The following C11orf65 variants were observed in gnomAD, a reference collection of about 807,000 sequenced individuals.
The protein encoded by C11orf65 is chromosome 11 open reading frame 65.
In C11orf65, 38 loss-of-function variants were observed where a neutral mutation model predicts 35.3. The ratio of observed to expected loss-of-function variants is 1.08; its 90% CI spans 0.83 to 1.41. The LOEUF is 1.41. Among genes scored for constraint, C11orf65 ranks in the 40% most tolerant of loss-of-function variants. The pLI is 0.00. For missense variants in C11orf65, 370 were observed against 367.1 expected, an observed-to-expected ratio of 1.01 and a Z score of -0.06; for synonymous variants, 105 against 114.4, an observed-to-expected ratio of 0.92 and a Z score of 0.53.
downstream of C11orf65, chr11:108,329,037 G>C (rs2085974792): frequency 6.2e-7 from 1 of 1,614,058 alleles, no homozygotes; most frequent in Non-Finnish European, 8.5e-7. Context: ...GAAGTTGCTG[G>C]AAATTATGAT....
chr11:108,325,117 T>G (rs749446405), intron 6 of C11orf65, among the ~76,000 whole-genome samples: 2 of 152,200 alleles, frequency 1.3e-5, no homozygotes, highest in Non-Finnish European at 2.9e-5. Flanking sequence ...TTAAGAGCTC[T>G]GACCGCATAG....
chr11:108,430,200 C>G (rs1421538850), intron 3 of C11orf65, among the ~76,000 whole-genome samples: 21 of 145,968 alleles, frequency 1.4e-4, no homozygotes, highest in Non-Finnish European at 2.4e-4. Context: ...GTGATCTCTG[C>G]TCACTGAAAG....
chr11:108,443,186 A>G (rs1041524958), intron 2 of C11orf65, among the ~76,000 whole-genome samples: 2 of 151,398 alleles, frequency 1.3e-5, no homozygotes, highest in Non-Finnish European at 3.0e-5. Flanking sequence ...CTAGCCTCTG[A>G]TAAAACAGAC....
intron 2 of C11orf65, among the ~76,000 whole-genome samples, chr11:108,361,724 C>T (rs1487222239): frequency 6.6e-6 from 1 of 151,554 alleles, no homozygotes; most frequent in Admixed American, 6.6e-5. Context: ...ATAAATGGTG[C>T]TGGGAAAACT....
chr11:108,316,753 CAAA>C lies in C11orf65; in HGVS notation c.641-7685_641-7683del, dbSNP rs58165074. ...TGAAACCCCGTCTCTACTAAAAATA[CAAA>C]AAAAAAAAAAAAAAAAAAAATTAGC... On this transcript the variant is annotated intron_variant, in intron 6 of 6. Coordinates refer to the C11orf65 transcript ENST00000525729. Among the ~76,000 whole-genome samples, 3 of 72,424 alleles carry C rather than the reference CAAA, an allele frequency of 4.1e-5. No individual in the cohort carries two copies. The South Asian group carries it at 1.8e-3, about 43-fold the overall frequency. The allele number at this position is 72,424 out of a possible 152,430, so 47.5% of individuals were successfully genotyped here. A position where few individuals can be genotyped will look rare whatever the true frequency, so the allele number is the denominator to read the frequency against.
intron 2 of C11orf65, among the ~76,000 whole-genome samples, chr11:108,372,415 A>C (rs2091597228): frequency 6.6e-6 from 1 of 152,192 alleles, no homozygotes; most frequent in African/African-American, 2.4e-5. Flanking sequence ...GCTGGTCTCA[A>C]ACTCCTGACC....
At chr11:108,447,420 T>C (rs942696989) in intron 2 of C11orf65, among the ~76,000 whole-genome samples, 6 of 151,822 alleles carry the variant, frequency 4.0e-5, no homozygotes, top group Admixed American at 2.6e-4. Context: ...AGAACAGAAA[T>C]TATAAAAAAC....
At chr11:108,350,078 T>C (rs929974220) in intron 2 of C11orf65, among the ~76,000 whole-genome samples, 2 of 152,040 alleles carry the variant, frequency 1.3e-5, no homozygotes, top group African/African-American at 4.8e-5. Flanking sequence ...ATTCTAAAAT[T>C]TACCATGGAA....
chr11:108,442,126 C>T (rs1195139158), intron 2 of C11orf65, among the ~76,000 whole-genome samples: 1 of 152,046 alleles, frequency 6.6e-6, no homozygotes, highest in South Asian at 2.1e-4. Context: ...TAGAGAAGAC[C>T]TTAAATCACT....
intron 2 of C11orf65, chr11:108,367,746 T>G (rs1417555364): frequency 9.2e-6 from 2 of 217,010 alleles, no homozygotes; most frequent in African/African-American, 2.3e-5. Context: ...TCTCCAGAAC[T>G]TTTTGGACTA....
In C11orf65 at chr11:108,335,838, T is replaced by C. The variant is rs2086778829; in HGVS notation, c.227-546A>G. 1 of 1,608,290 alleles carries C rather than the reference T, an allele frequency of 6.2e-7. No homozygotes were observed. The highest frequency in any genetic ancestry group is 1.3e-5 in the African/African-American group (1 of 74,896). ...TACTTGTTTATTCATGCTTAATTATTCTGAAGGGCCGTGATGACCTGAGAC... is the reference window on the plus strand; with the variant it reads ...TACTTGTTTATTCATGCTTAATTATCCTGAAGGGCCGTGATGACCTGAGAC... On this transcript the variant is annotated intron_variant, in intron 2 of 3. Transcript: ENST00000524755.
chr11:108,376,283 C>T (rs1035971646), intron 2 of C11orf65, among the ~76,000 whole-genome samples: 2 of 151,502 alleles, frequency 1.3e-5, no homozygotes, highest in African/African-American at 4.8e-5. Context: ...CAAACTGTCT[C>T]TCAGACCACA....
At chr11:108,330,535 T>G, downstream of C11orf65, 2 of 1,041,110 alleles carry the variant, frequency 1.9e-6, no homozygotes, top group South Asian at 2.5e-5. Flanking sequence ...GGTCCAGTGC[T>G]CTACACATAA....
intron 1 of C11orf65, among the ~76,000 whole-genome samples, chr11:108,462,872 G>C (rs1039686909): frequency 6.6e-6 from 1 of 152,152 alleles, no homozygotes; most frequent in Non-Finnish European, 1.5e-5. Context: ...GTAATCCCAT[G>C]GTTTTGGGAG....
intron 2 of C11orf65, chr11:108,354,673 A>C (rs1463054502): frequency 2.5e-6 from 2 of 809,640 alleles, no homozygotes; most frequent in Non-Finnish European, 4.3e-6. Flanking sequence ...TCTGCCAAGT[A>C]TTATGCTATT....
downstream of C11orf65, among the ~76,000 whole-genome samples, chr11:108,329,903 T>TA (rs1348692432): frequency 1.3e-5 from 2 of 152,360 alleles, no homozygotes; most frequent in Admixed American, 6.5e-5. Context: ...TTACAAAAGT[T>TA]ACCTATTTTG....
At chr11:108,326,986 C>T (rs1046257647), downstream of C11orf65, among the ~76,000 whole-genome samples, 1 of 152,124 alleles carries the variant, frequency 6.6e-6, no homozygotes, top group Non-Finnish European at 1.5e-5. Context: ...CCACCATGCC[C>T]AGCTAATTTT....
chr11:108,331,965 G>T, intron 3 of C11orf65: 1 of 1,613,970 alleles, frequency 6.2e-7, no homozygotes, highest in Non-Finnish European at 8.5e-7. Context: ...ATGAATTTCT[G>T]ACTAAACCAG....
intron 1 of C11orf65, among the ~76,000 whole-genome samples, chr11:108,465,710 C>T (rs1477294959): frequency 2.0e-5 from 3 of 151,268 alleles, no homozygotes; most frequent in Admixed American, 1.3e-4. Context: ...AAAGGCTGGG[C>T]GCGGTGGCTC....
Sources: allele counts gnomAD v4.1 joint callset (sites outside exome capture counted in the v4.1 genomes callset), GRCh38; gene constraint gnomAD v4.1.1; transcripts MANE v1.5; gene names NCBI Gene and HGNC (gene_info 2026-07-23, HGNC 2026-07-21).